Variants in PHYHIPL observed in about 807,000 individuals in gnomAD.
PHYHIPL encodes phytanoyl-CoA hydroxylase-interacting protein-like.
Under a neutral mutation model 33.4 loss-of-function variants are expected in PHYHIPL, and 9 were observed. That is an observed-to-expected ratio of 0.27 (90% CI 0.16 to 0.47). The LOEUF is 0.47. PHYHIPL is among the 20% of genes least tolerant of loss of function. PHYHIPL has a pLI of 0.99. For synonymous variants in PHYHIPL, 153 were observed against 154.1 expected (o/e 0.99, Z 0.05); for missense variants, 365 against 460.7 (o/e 0.79, Z 1.90).
At chr10:59,196,467 T>C (rs1838921641) in intron 1 of PHYHIPL, among the ~76,000 whole-genome samples, 1 of 149,238 alleles carries the variant, frequency 6.7e-6, no homozygotes, top group African/African-American at 2.5e-5. Context: ...CAGGCTGGAG[T>C]GCAGTGGTGT....
intron 1 of PHYHIPL, chr10:59,221,642 C>T: frequency 3.1e-6 from 3 of 980,320 alleles, no homozygotes; most frequent in Non-Finnish European, 3.6e-6. Flanking sequence ...TCAGTGGAAT[C>T]AGAATTTTGT....
At chr10:59,217,152 T>C (rs924755371) in intron 1 of PHYHIPL, among the ~76,000 whole-genome samples, 7 of 152,132 alleles carry the variant, frequency 4.6e-5, no homozygotes, top group African/African-American at 1.7e-4. Flanking sequence ...TTATGTCCTG[T>C]ATTTATTTTG....
intron 1 of PHYHIPL, among the ~76,000 whole-genome samples, chr10:59,196,189 G>A (rs1007975264): frequency 2.0e-5 from 3 of 151,950 alleles, no homozygotes; most frequent in African/African-American, 7.3e-5. Context: ...TTGAATTGCT[G>A]TGTCACAAAA....
intron 1 of PHYHIPL, among the ~76,000 whole-genome samples, chr10:59,188,475 A>T (rs935872634): frequency 1.3e-5 from 2 of 152,158 alleles, no homozygotes; most frequent in African/African-American, 4.8e-5. Flanking sequence ...GTAGATGTCT[A>T]TTAGGTCCGC....
intron 2 of PHYHIPL, 119 bp from the exon 3 acceptor site, chr10:59,236,364 T>C (rs1840229625): frequency 2.0e-6 from 1 of 510,014 alleles, no homozygotes; most frequent in Non-Finnish European, 3.3e-6. Context: ...CTTCCCTTCT[T>C]CCTTCCCTCC....
chr10:59,182,181 A>C (rs1382213946), intron 1 of PHYHIPL, among the ~76,000 whole-genome samples: 3 of 152,084 alleles, frequency 2.0e-5, no homozygotes, highest in Non-Finnish European at 2.9e-5. Flanking sequence ...TTCTTTAGTA[A>C]ATGCATAATA....
At chr10:59,227,546 T>C (rs1839958455) in intron 1 of PHYHIPL, among the ~76,000 whole-genome samples, 1 of 152,146 alleles carries the variant, frequency 6.6e-6, no homozygotes, top group East Asian at 1.9e-4. Flanking sequence ...TAGCAATATA[T>C]TATACTTATT....
Position 59,244,666 on chromosome 10 carries a change from G to T in PHYHIPL, c.597-391G>T, listed in dbSNP as rs558116689. 9.7e-5 allele frequency among the ~76,000 whole-genome samples: 14 copies of T among 144,888 alleles called. No individual in the cohort carries two copies. In the South Asian group the frequency reaches 2.9e-3, roughly 30 times the overall value. Reference sequence around the variant, plus strand: ...ATGACTAAATCTATCATGCTTTAAAGAAACATTCAATATATTTAACCAATA... The same window carrying T: ...ATGACTAAATCTATCATGCTTTAAATAAACATTCAATATATTTAACCAATA... On this transcript the variant is annotated intron_variant, in intron 4 of 4. Coordinates refer to ENST00000373880, the MANE Select transcript of PHYHIPL (RefSeq NM_032439.4).
chr10:59,192,389 A>T (rs1360479040), intron 1 of PHYHIPL, among the ~76,000 whole-genome samples: 1 of 152,096 alleles, frequency 6.6e-6, no homozygotes, highest in Non-Finnish European at 1.5e-5. Flanking sequence ...TGAGTTTCTG[A>T]TTCCTTAGAT....
chr10:59,222,408 A>C (rs1336274632), intron 1 of PHYHIPL, among the ~76,000 whole-genome samples: 4 of 152,038 alleles, frequency 2.6e-5, no homozygotes, highest in Non-Finnish European at 1.5e-5. Flanking sequence ...AAAGCGAAAT[A>C]TTCTTTAAAA....
intron 1 of PHYHIPL, among the ~76,000 whole-genome samples, chr10:59,230,355 A>G (rs567611965): frequency 8.7e-4 from 132 of 151,900 alleles, no homozygotes; most frequent in African/African-American, 3.0e-3. Flanking sequence ...CTGGGACTAC[A>G]GGCATGTGCC....
intron 1 of PHYHIPL, among the ~76,000 whole-genome samples, chr10:59,203,309 A>C (rs749349178): frequency 1.4e-4 from 21 of 152,174 alleles, no homozygotes; most frequent in Non-Finnish European, 2.5e-4. Context: ...ACACTTTTAC[A>C]CTGTTGCTGG....
chr10:59,184,639 T>A (rs908991098), intron 1 of PHYHIPL, among the ~76,000 whole-genome samples: 7 of 151,906 alleles, frequency 4.6e-5, no homozygotes, highest in Non-Finnish European at 8.8e-5. Context: ...TTTTTTTTTT[T>A]AATTTTTTTT....
intron 1 of PHYHIPL, among the ~76,000 whole-genome samples, chr10:59,187,627 T>C (rs1035419790): frequency 6.6e-6 from 1 of 152,190 alleles, no homozygotes. Context: ...CTATTAATTA[T>C]TGCCTCAATT....
chr10:59,236,998 CTT>C (rs57712085), intron 3 of PHYHIPL, among the ~76,000 whole-genome samples: 3,873 of 141,686 alleles, frequency 0.027, 192 homozygotes, highest in African/African-American at 0.091. Flanking sequence ...CTTTTTTCTC[CTT>C]TTTTTTTTTT....
At chr10:59,188,752 G>T (rs1479818334) in intron 1 of PHYHIPL, among the ~76,000 whole-genome samples, 1 of 151,940 alleles carries the variant, frequency 6.6e-6, no homozygotes, top group Non-Finnish European at 1.5e-5. Flanking sequence ...ATCTTTGTTG[G>T]TTTAAAGTCT....
chr10:59,245,380 A>G lies in PHYHIPL; in HGVS notation c.920A>G (p.Asp307Gly). Residue 307 changes from aspartate to glycine, a missense_variant, in exon 5 of 5, where the codon GAT becomes GGT. This residue lies in a region of PHYHIPL where 196 missense variants were observed against 224.9 expected (regional missense o/e 0.87). Transcript: ENST00000373880. ...CGCCTTCCTCAACTAAATTCTAAGG[A>G]TAATAAATTTTTGACCTGTACAGAA... is the stretch of plus-strand genomic sequence containing the variant. ...KQRLPQLNSK[D>G]NKFLTCTEED... The G allele has an allele frequency of 6.2e-7, 1 of 1,614,128 alleles. No homozygotes were observed. Among genetic ancestry groups the G allele is most frequent in the Non-Finnish European group, 8.5e-7 (1 of 1,180,032 alleles).
At chr10:59,189,301 C>T (rs1470221399) in intron 1 of PHYHIPL, among the ~76,000 whole-genome samples, 1 of 151,780 alleles carries the variant, frequency 6.6e-6, no homozygotes, top group Non-Finnish European at 1.5e-5. Context: ...CAAATGAATC[C>T]AACAGAAGTA....
chr10:59,213,519 G>A (rs1051189231), intron 1 of PHYHIPL, among the ~76,000 whole-genome samples: 1 of 152,116 alleles, frequency 6.6e-6, no homozygotes, highest in Non-Finnish European at 1.5e-5. Context: ...AATGAAAAAT[G>A]TAAAAATAAT....
Sources: allele counts gnomAD v4.1 joint callset (sites outside exome capture counted in the v4.1 genomes callset), GRCh38; gene constraint gnomAD v4.1.1; regional missense constraint gnomAD v4.1.1; transcripts MANE v1.5; gene names NCBI Gene and HGNC (gene_info 2026-07-23, HGNC 2026-07-21).